The following RSPRY1 variants were observed in gnomAD, a reference collection of about 807,000 sequenced individuals.
RSPRY1 encodes the protein RING finger and SPRY domain-containing protein 1.
Under a neutral mutation model 73.1 loss-of-function variants are expected in RSPRY1, and 23 were observed. The ratio of observed to expected loss-of-function variants is 0.31; its 90% CI spans 0.23 to 0.45. The LOEUF (loss-of-function observed/expected upper bound fraction) is 0.45. Ranked by LOEUF, RSPRY1 falls within the 20% of genes least tolerant of loss-of-function variation. The pLI, the probability that RSPRY1 is intolerant of heterozygous loss-of-function variation, is 1.00. For synonymous variants in RSPRY1, 226 were observed against 251.4 expected, an observed-to-expected ratio of 0.90 and a Z score of 0.95; for missense variants, 448 against 698.7, an observed-to-expected ratio of 0.64 and a Z score of 4.05.
intron 1 of RSPRY1, among the ~76,000 whole-genome samples, chr16:57,200,248 A>G (rs1448975180): frequency 1.3e-5 from 2 of 149,718 alleles, no homozygotes; most frequent in Admixed American, 1.3e-4. Context: ...ACAGGATCCC[A>G]AGGCAGAAGA....
chr16:57,235,510 G>T (rs1430765646), intron 14 of RSPRY1, among the ~76,000 whole-genome samples: 1 of 152,160 alleles, frequency 6.6e-6, no homozygotes, highest in Non-Finnish European at 1.5e-5. Flanking sequence ...TAGTTTTAGA[G>T]CTTCCTCATT....
chr16:57,192,975 C>G (rs1489721820), intron 1 of RSPRY1, among the ~76,000 whole-genome samples: 14 of 152,178 alleles, frequency 9.2e-5, no homozygotes, highest in Non-Finnish European at 1.8e-4. Flanking sequence ...CTTGGCCTCC[C>G]AGAGTGTTGG....
In RSPRY1 at chr16:57,220,717, C is replaced by A; in HGVS notation, c.902-15C>A. 6.5e-7 allele frequency: 1 copy of A among 1,545,220 alleles called. No homozygotes were observed. Among genetic ancestry groups the A allele is most frequent in the Non-Finnish European group, 8.9e-7 (1 of 1,117,698 alleles). On this transcript the variant is annotated splice_polypyrimidine_tract_variant and intron_variant, in intron 8 of 14. Coordinates refer to ENST00000394420, the MANE Select transcript of RSPRY1 (RefSeq NM_133368.3). ...GCAGCCTGCCTTAGAAACATGAACA[C>A]TCTTTCTTTTGCAGTTTTAAAAGAA...
chr16:57,231,869 T>C (rs1391162431), intron 13 of RSPRY1, among the ~76,000 whole-genome samples: 1 of 152,176 alleles, frequency 6.6e-6, no homozygotes, highest in Non-Finnish European at 1.5e-5. Context: ...TTGCATAAAA[T>C]TTTACAGCCC....
At chr16:57,220,265 A>C (rs1172473452) in intron 8 of RSPRY1, 1 of 154,160 alleles carries the variant, frequency 6.5e-6, no homozygotes, top group Non-Finnish European at 1.4e-5. Context: ...ACATTTTAAC[A>C]ATATTGAGTC....
chr16:57,221,141 G>A (rs375646180), intron 9 of RSPRY1, 131 bp from the exon 10 acceptor site: 11 of 1,128,228 alleles, frequency 9.7e-6, no homozygotes, highest in East Asian at 4.7e-5. Context: ...ACTGAGGATG[G>A]ACAGAGGAGG....
At chr16:57,214,751 G>A (rs1030546354) in intron 6 of RSPRY1, among the ~76,000 whole-genome samples, 3 of 152,242 alleles carry the variant, frequency 2.0e-5, no homozygotes, top group Admixed American at 6.5e-5. Flanking sequence ...AATGAGGGCC[G>A]GGCACGGTGG....
chr16:57,229,621 C>A (rs1182908484), intron 11 of RSPRY1, among the ~76,000 whole-genome samples: 2 of 125,702 alleles, frequency 1.6e-5, no homozygotes, highest in African/African-American at 3.0e-5. Context: ...CCTGTCTTAA[C>A]AACAAAAATA....
intron 1 of RSPRY1, among the ~76,000 whole-genome samples, chr16:57,198,673 T>C (rs1341240933): frequency 6.6e-6 from 1 of 152,224 alleles, no homozygotes; most frequent in African/African-American, 2.4e-5. Context: ...CAAGGCTTTG[T>C]TTTCTGGAAC....
At chr16:57,230,005 C>CTTTTTTT (rs544045998) in intron 11 of RSPRY1, among the ~76,000 whole-genome samples, 1 of 44,946 alleles carries the variant, frequency 2.2e-5, no homozygotes, top group South Asian at 1.4e-3. Flanking sequence ...ACGCCCTGCC[C>CTTTTTTT]TTTTTTTTTT....
At chr16:57,201,381 C>T (rs370494653) in intron 1 of RSPRY1, among the ~76,000 whole-genome samples, 3 of 151,432 alleles carry the variant, frequency 2.0e-5, no homozygotes, top group African/African-American at 7.3e-5. Flanking sequence ...CAGAGGCACT[C>T]CCCACATCTC....
intron 1 of RSPRY1, among the ~76,000 whole-genome samples, chr16:57,195,180 G>A (rs570413811): frequency 3.3e-5 from 5 of 152,132 alleles, no homozygotes; most frequent in South Asian, 2.1e-4. Flanking sequence ...GGAAATATTC[G>A]ATCATAATTA....
At chr16:57,231,651 T>G (rs547114144) in intron 13 of RSPRY1, among the ~76,000 whole-genome samples, 2 of 152,250 alleles carry the variant, frequency 1.3e-5, no homozygotes, top group African/African-American at 4.8e-5. Context: ...GTGAGATAAA[T>G]AAGATTGGTA....
At chr16:57,222,440 C>A (rs2075053870) in intron 10 of RSPRY1, among the ~76,000 whole-genome samples, 1 of 152,160 alleles carries the variant, frequency 6.6e-6, no homozygotes, top group South Asian at 2.1e-4. Flanking sequence ...CTGTATTTCA[C>A]CCTGGAATTG....
At chr16:57,235,276 T>C (rs1224449543) in intron 14 of RSPRY1, 48 bp downstream of exon 14, 1 of 1,327,164 alleles carries the variant, frequency 7.5e-7, no homozygotes, top group Admixed American at 1.7e-5. Context: ...CTTAAATTGC[T>C]AGTTCCATGG....
intron 7 of RSPRY1, chr16:57,216,523 G>C (rs1029961859): frequency 3.0e-6 from 1 of 331,940 alleles, no homozygotes; most frequent in Non-Finnish European, 5.5e-6. Flanking sequence ...TTCGAGACCA[G>C]GGTGGGCAGC....
At chr16:57,231,025 T>C in intron 12 of RSPRY1, 142 bp from the exon 13 acceptor site, 1 of 802,072 alleles carries the variant, frequency 1.2e-6, no homozygotes, top group Non-Finnish European at 1.9e-6. Flanking sequence ...CAGACCTGTG[T>C]GGGTTATAAA....
intron 1 of RSPRY1, 32 bp from the exon 2 acceptor site, chr16:57,204,472 T>C: frequency 1.7e-6 from 1 of 580,074 alleles, no homozygotes; most frequent in Non-Finnish European, 3.1e-6. Context: ...AAGAATCTTT[T>C]ATTCATTTTC....
In RSPRY1 at chr16:57,235,160, C is replaced by G; in HGVS notation, c.1566C>G (p.Ile522Met). 2 of 1,614,132 alleles carry G rather than the reference C, an allele frequency of 1.2e-6. No homozygotes were observed. The highest frequency in any genetic ancestry group is 1.7e-6 in the Non-Finnish European group (2 of 1,179,996). The change falls in exon 14 of 15, where the codon ATC (isoleucine) becomes ATG (methionine). Residue 522 changes from isoleucine (I) to methionine (M), a missense_variant. Coordinates refer to ENST00000394420, the MANE Select transcript of RSPRY1 (RefSeq NM_133368.3). ...RRLALLKQVS[I>M]RENCCSLCCD... Reference sequence around the variant, plus strand: ...TTGCTCTGTTGAAGCAAGTCAGTATCCGAGAAAACTGCTGTTCCCTTTGTT... The same window carrying G: ...TTGCTCTGTTGAAGCAAGTCAGTATGCGAGAAAACTGCTGTTCCCTTTGTT...
Sources: gnomAD v4.1 joint callset for allele counts (sites outside exome capture counted in the v4.1 genomes callset) on GRCh38, gnomAD v4.1.1 for gene constraint, MANE v1.5 for transcripts, NCBI Gene and HGNC (gene_info 2026-07-23, HGNC 2026-07-21) for gene names.